Variants in FTO observed in about 807,000 individuals in gnomAD.
The protein encoded by FTO is FTO alpha-ketoglutarate dependent dioxygenase.
FTO carries 47 observed loss-of-function variants against 63.9 expected under a neutral mutation model. The observed-to-expected ratio is 0.74, with a 90% CI of 0.58 to 0.94. The LOEUF (loss-of-function observed/expected upper bound fraction) is 0.94, where lower values mean the gene tolerates loss of function less well. Among genes scored for constraint, FTO ranks in the 40% least tolerant of loss-of-function variants. FTO has a pLI of 0.00. For synonymous variants in FTO, 207 were observed against 224.4 expected (o/e 0.92, Z 0.69); for missense variants, 562 against 618.1 (o/e 0.91, Z 0.96).
chr16:54,106,392 G>C (rs2144614799), intron 8 of FTO, among the ~76,000 whole-genome samples: 1 of 151,150 alleles, frequency 6.6e-6, no homozygotes, highest in Admixed American at 6.6e-5. Flanking sequence ...GTGGTTTATA[G>C]AGTGCTTTGA....
At chr16:53,771,279 A>T (rs2077330594) in intron 1 of FTO, among the ~76,000 whole-genome samples, 8 of 152,110 alleles carry the variant, frequency 5.3e-5, no homozygotes, top group Admixed American at 5.2e-4. Context: ...GTTCAGACCA[A>T]AAACCCTGGA....
At chr16:53,774,872 C>T (rs1244176516) in intron 1 of FTO, among the ~76,000 whole-genome samples, 1 of 152,088 alleles carries the variant, frequency 6.6e-6, no homozygotes. Context: ...GAAGGTACCA[C>T]CATTACAACT....
chr16:53,755,607 G>A (rs977598787), intron 1 of FTO, among the ~76,000 whole-genome samples: 12 of 152,202 alleles, frequency 7.9e-5, no homozygotes, highest in African/African-American at 2.9e-4. Flanking sequence ...GGTAGAGACT[G>A]CACAGATCCC....
chr16:53,725,400 A>T (rs1435121120), intron 1 of FTO, among the ~76,000 whole-genome samples: 1 of 152,206 alleles, frequency 6.6e-6, no homozygotes, highest in South Asian at 2.1e-4. Context: ...TTCATTGTGA[A>T]CGGCATTATT....
chr16:53,812,872 T>A (rs2078571587), intron 2 of FTO, among the ~76,000 whole-genome samples: 1 of 152,154 alleles, frequency 6.6e-6, no homozygotes, highest in Non-Finnish European at 1.5e-5. Flanking sequence ...AAATAATTTT[T>A]AAAAGTACCC....
At chr16:53,869,246 G>A (rs543199742) in intron 4 of FTO, among the ~76,000 whole-genome samples, 8 of 151,682 alleles carry the variant, frequency 5.3e-5, no homozygotes, top group South Asian at 4.2e-4. Flanking sequence ...TGCTTGCCTC[G>A]TTTCTGAGGA....
intron 3 of FTO, among the ~76,000 whole-genome samples, chr16:53,840,504 A>C (rs1436614167): frequency 1.3e-5 from 2 of 152,212 alleles, no homozygotes; most frequent in African/African-American, 4.8e-5. Context: ...AGGTGTTGGC[A>C]AATTTTTTTT....
At chr16:54,024,535 G>A (rs1599228103) in intron 8 of FTO, among the ~76,000 whole-genome samples, 1 of 152,070 alleles carries the variant, frequency 6.6e-6, no homozygotes. Context: ...GCCTTGGCTG[G>A]TTTTATGTTA....
At chr16:53,991,613 A>G (rs535796735) in intron 8 of FTO, 46 of 152,324 alleles carry the variant, frequency 3.0e-4, no homozygotes, top group African/African-American at 9.6e-4. Flanking sequence ...TACATTTAAC[A>G]TGTGAAAATT....
At chr16:54,007,094 G>C (rs1413367599) in intron 8 of FTO, among the ~76,000 whole-genome samples, 1 of 152,170 alleles carries the variant, frequency 6.6e-6, no homozygotes, top group African/African-American at 2.4e-5. Flanking sequence ...AAGGAAATAG[G>C]ATGCATTTCA....
intron 1 of FTO, among the ~76,000 whole-genome samples, chr16:53,772,171 C>T (rs2077354867): frequency 1.3e-5 from 2 of 152,048 alleles, no homozygotes; most frequent in Admixed American, 1.3e-4. Flanking sequence ...TCTTTCTGAT[C>T]TTTTTCCCTG....
At chr16:54,038,733 C>T (rs992891838) in intron 8 of FTO, among the ~76,000 whole-genome samples, 21 of 152,132 alleles carry the variant, frequency 1.4e-4, no homozygotes, top group South Asian at 2.1e-4. Flanking sequence ...TTCCCTCTTT[C>T]GCCATGGGAC....
At chr16:53,945,389 A>G (rs999872082) in intron 8 of FTO, among the ~76,000 whole-genome samples, 3 of 152,244 alleles carry the variant, frequency 2.0e-5, no homozygotes, top group Admixed American at 6.5e-5. Context: ...TGCCCAAGGC[A>G]ACAGCTAGTA....
At chr16:54,103,495 T>C (rs2086684156) in intron 8 of FTO, among the ~76,000 whole-genome samples, 1 of 152,202 alleles carries the variant, frequency 6.6e-6, no homozygotes, top group African/African-American at 2.4e-5. Context: ...ACTTTACTGA[T>C]CTGGAAACAT....
At chr16:53,741,627 A>G (rs1387519474) in intron 1 of FTO, among the ~76,000 whole-genome samples, 3 of 152,210 alleles carry the variant, frequency 2.0e-5, no homozygotes, top group Non-Finnish European at 2.9e-5. Flanking sequence ...GCTGCCCAAG[A>G]AGGTCATTGA....
At chr16:53,817,678 C>G (rs1249908280) in intron 2 of FTO, among the ~76,000 whole-genome samples, 1 of 151,974 alleles carries the variant, frequency 6.6e-6, no homozygotes, top group African/African-American at 2.4e-5. Context: ...ATCTGACTTC[C>G]CTGTGTGATG....
intron 7 of FTO, among the ~76,000 whole-genome samples, chr16:53,901,824 G>C (rs2081410872): frequency 6.6e-6 from 1 of 152,104 alleles, no homozygotes; most frequent in Non-Finnish European, 1.5e-5. Context: ...GATGTTAATT[G>C]TTGAGTGAGT....
chr16:53,852,510 A>G (rs2079839043), intron 4 of FTO, among the ~76,000 whole-genome samples: 1 of 152,194 alleles, frequency 6.6e-6, no homozygotes, highest in Non-Finnish European at 1.5e-5. Flanking sequence ...TTACAACTTT[A>G]CATACAGATC....
chr16:53,811,203 T>G (rs2078511351), intron 2 of FTO, among the ~76,000 whole-genome samples: 1 of 152,088 alleles, frequency 6.6e-6, no homozygotes, highest in African/African-American at 2.4e-5. Flanking sequence ...AAAATCAGAG[T>G]CCTGTTTCCA....
Sources: gnomAD v4.1 joint callset for allele counts (sites outside exome capture counted in the v4.1 genomes callset) on GRCh38, gnomAD v4.1.1 for gene constraint, MANE v1.5 for transcripts, NCBI Gene and HGNC (gene_info 2026-07-23, HGNC 2026-07-21) for gene names.